The following AKAP19 variants were observed in gnomAD, a reference collection of about 807,000 sequenced individuals.
The protein encoded by AKAP19 is A-kinase anchoring protein 19.
chr2:189,995,412 T>G, the AKAP19 span, among the ~76,000 whole-genome samples: 1 of 152,234 alleles, frequency 6.6e-6, no homozygotes, highest in African/African-American at 2.4e-5. Context: ...AAGTCTGTTT[T>G]GTCTGATTTA....
chr2:190,125,547 C>T, the AKAP19 span, among the ~76,000 whole-genome samples: 64 of 152,276 alleles, frequency 4.2e-4, no homozygotes, highest in Middle Eastern at 6.8e-3. Flanking sequence ...ACCAGCCACT[C>T]TGTAATCAAT....
At chr2:189,961,344 A>C in the AKAP19 span, among the ~76,000 whole-genome samples, 1 of 152,192 alleles carries the variant, frequency 6.6e-6, no homozygotes, top group Admixed American at 6.5e-5. Flanking sequence ...GTTATGCCAG[A>C]CACTGCCAAA....
chr2:189,933,613 T>A, the AKAP19 span, among the ~76,000 whole-genome samples: 8 of 152,272 alleles, frequency 5.3e-5, no homozygotes, highest in African/African-American at 1.9e-4. Flanking sequence ...TTAAATTGCT[T>A]TCTTTTTTGG....
the AKAP19 span, chr2:190,200,070 G>C: frequency 6.2e-7 from 1 of 1,614,058 alleles, no homozygotes; most frequent in Admixed American, 1.7e-5. Context: ...AGGATATCTT[G>C]TGTGATGCCT....
At chr2:189,967,990 T>C in the AKAP19 span, among the ~76,000 whole-genome samples, 2 of 152,300 alleles carry the variant, frequency 1.3e-5, no homozygotes, top group South Asian at 4.1e-4. Flanking sequence ...AAAAAAATTT[T>C]GATTAACATA....
At chr2:189,971,810 C>G in the AKAP19 span, among the ~76,000 whole-genome samples, 3 of 142,698 alleles carry the variant, frequency 2.1e-5, no homozygotes, top group Admixed American at 2.2e-4. Context: ...TATCCTTCAC[C>G]CACTTTTTGA....
At chr2:189,992,075 A>T in the AKAP19 span, among the ~76,000 whole-genome samples, 6 of 143,756 alleles carry the variant, frequency 4.2e-5, no homozygotes, top group African/African-American at 1.6e-4. Flanking sequence ...TTTGAGATGG[A>T]GTCCCACTTT....
chr2:190,108,454 C>T, the AKAP19 span, among the ~76,000 whole-genome samples: 4 of 152,212 alleles, frequency 2.6e-5, no homozygotes, highest in Non-Finnish European at 5.9e-5. Flanking sequence ...CTATGCCCGG[C>T]CCAAAATTTC....
the AKAP19 span, among the ~76,000 whole-genome samples, chr2:190,163,466 A>C: frequency 7.1e-6 from 1 of 140,840 alleles, no homozygotes; most frequent in Non-Finnish European, 1.5e-5. Context: ...AAAAAAAAAA[A>C]AAACTGAGTC....
chr2:189,983,753 C>T, the AKAP19 span, among the ~76,000 whole-genome samples: 4 of 152,166 alleles, frequency 2.6e-5, no homozygotes, highest in African/African-American at 9.7e-5. Flanking sequence ...GTCAGAGTGA[C>T]TTGAGTATGT....
the AKAP19 span, among the ~76,000 whole-genome samples, chr2:190,149,250 A>G: frequency 6.6e-6 from 1 of 152,158 alleles, no homozygotes; most frequent in Non-Finnish European, 1.5e-5. Flanking sequence ...GGCAAGAGCC[A>G]CTACGCCCAT....
At chr2:189,918,415 A>G in the AKAP19 span, among the ~76,000 whole-genome samples, 2 of 152,132 alleles carry the variant, frequency 1.3e-5, no homozygotes, top group East Asian at 3.9e-4. Context: ...CCTGAAGGGT[A>G]TGATTCTCAA....
the AKAP19 span, among the ~76,000 whole-genome samples, chr2:190,047,974 G>T: frequency 6.6e-6 from 1 of 152,264 alleles, no homozygotes; most frequent in East Asian, 1.9e-4. Context: ...ATTTAAGGGG[G>T]TTAAAATATA....
the AKAP19 span, among the ~76,000 whole-genome samples, chr2:190,166,138 AAG>A: frequency 6.6e-6 from 1 of 151,910 alleles, no homozygotes; most frequent in Non-Finnish European, 1.5e-5. Flanking sequence ...ATAAGTAAAA[AAG>A]AGAAATATGC....
chr2:190,139,486 G>A, the AKAP19 span, among the ~76,000 whole-genome samples: 1 of 152,128 alleles, frequency 6.6e-6, no homozygotes, highest in Admixed American at 6.5e-5. Flanking sequence ...ATTTATAAAG[G>A]AAAGAGGTTT....
chr2:189,881,727 T>G, the AKAP19 span, among the ~76,000 whole-genome samples: 2 of 152,136 alleles, frequency 1.3e-5, no homozygotes, highest in African/African-American at 4.8e-5. Context: ...AAACATTATT[T>G]TGCAGTCTTG....
At chr2:189,922,736 C>A in the AKAP19 span, among the ~76,000 whole-genome samples, 2 of 152,158 alleles carry the variant, frequency 1.3e-5, no homozygotes, top group African/African-American at 2.4e-5. Flanking sequence ...CATATCTGCA[C>A]TTTTTATTGG....
the AKAP19 span, among the ~76,000 whole-genome samples, chr2:190,198,907 CA>C: frequency 2.6e-5 from 4 of 152,106 alleles, no homozygotes; most frequent in Admixed American, 1.3e-4. Context: ...ATTTATTGAC[CA>C]AACATCAAAC....
the AKAP19 span, among the ~76,000 whole-genome samples, chr2:189,999,917 A>T: frequency 6.6e-6 from 1 of 152,206 alleles, no homozygotes; most frequent in Non-Finnish European, 1.5e-5. Context: ...TAGTCTCGTT[A>T]TATTCCGAGT....
Sources: allele counts gnomAD v4.1 joint callset (sites outside exome capture counted in the v4.1 genomes callset), GRCh38; gene constraint gnomAD v4.1.1; transcripts MANE v1.5; gene names NCBI Gene and HGNC (gene_info 2026-07-23, HGNC 2026-07-21).